Variants in DAB1 observed in about 807,000 individuals in gnomAD.
The protein encoded by DAB1 is disabled homolog 1.
In DAB1, 15 loss-of-function variants were observed where a neutral mutation model predicts 64.6. The observed-to-expected ratio is 0.23, with a 90% CI of 0.16 to 0.36. The LOEUF is 0.36. Ranked by LOEUF, DAB1 falls within the 10% of genes least tolerant of loss-of-function variation. The probability of loss-of-function intolerance (pLI) is 1.00; values close to 1 mark genes in which losing one functional copy is unlikely to be tolerated. For synonymous variants in DAB1, 235 were observed against 251.9 expected, an observed-to-expected ratio of 0.93 and a Z score of 0.64; for missense variants, 596 against 706.7, an observed-to-expected ratio of 0.84 and a Z score of 1.78.
At chr1:58,494,613 T>C (rs1207911944) in intron 3 of DAB1, among the ~76,000 whole-genome samples, 1 of 152,016 alleles carries the variant, frequency 6.6e-6, no homozygotes, top group African/African-American at 2.4e-5. Flanking sequence ...GTGAAGGATA[T>C]GAACAGACAC....
chr1:58,087,267 G>A (rs1650372500), intron 5 of DAB1, among the ~76,000 whole-genome samples: 2 of 152,134 alleles, frequency 1.3e-5, no homozygotes, highest in Admixed American at 6.5e-5. Context: ...CAATAACTAT[G>A]CTCTGAGGTT....
chr1:57,687,852 C>T (rs781332650), intron 6 of DAB1, among the ~76,000 whole-genome samples: 6 of 152,012 alleles, frequency 3.9e-5, no homozygotes, highest in South Asian at 2.1e-4. Flanking sequence ...GCTGGGATAA[C>T]GGGCTAGCCA....
chr1:58,179,477 T>G (rs1656663119), intron 4 of DAB1, among the ~76,000 whole-genome samples: 1 of 152,146 alleles, frequency 6.6e-6, no homozygotes, highest in South Asian at 2.1e-4. Flanking sequence ...GGCTTTTCTT[T>G]GTCAGAAAAT....
At chr1:57,007,864 G>A (rs1160030684) in intron 14 of DAB1, among the ~76,000 whole-genome samples, 1 of 152,240 alleles carries the variant, frequency 6.6e-6, no homozygotes, top group Non-Finnish European at 1.5e-5. Flanking sequence ...AGAAATTGCA[G>A]TCAGTAAATT....
chr1:58,545,508 A>C (rs1393492270), intron 1 of DAB1, among the ~76,000 whole-genome samples: 1 of 83,786 alleles, frequency 1.2e-5, no homozygotes, highest in Non-Finnish European at 3.0e-5. Context: ...AGAGCACATA[A>C]GAAAAAAAAA....
intron 2 of DAB1, among the ~76,000 whole-genome samples, chr1:57,267,501 C>T (rs1005070893): frequency 2.0e-5 from 3 of 152,066 alleles, no homozygotes; most frequent in Non-Finnish European, 4.4e-5. Flanking sequence ...TGTCTTATGC[C>T]GAAGAAGACT....
At chr1:57,072,662 G>A (rs1491000638) in intron 4 of DAB1, among the ~76,000 whole-genome samples, 1 of 152,178 alleles carries the variant, frequency 6.6e-6, no homozygotes, top group Non-Finnish European at 1.5e-5. Flanking sequence ...CTGCAACAGT[G>A]GCTTTATTCA....
At chr1:57,226,135 T>TCTTCC (rs1262958665) in intron 2 of DAB1, among the ~76,000 whole-genome samples, 2 of 152,190 alleles carry the variant, frequency 1.3e-5, no homozygotes, top group African/African-American at 4.8e-5. Flanking sequence ...TCTTCTCTTC[T>TCTTCC]CTTCCCAAGC....
intron 2 of DAB1, among the ~76,000 whole-genome samples, chr1:57,232,027 A>C (rs898272674): frequency 6.6e-6 from 1 of 152,188 alleles, no homozygotes; most frequent in Admixed American, 6.5e-5. Context: ...TGACCTCCCC[A>C]GATTTCAACT....
At chr1:58,298,486 G>T (rs1662042871) in intron 4 of DAB1, among the ~76,000 whole-genome samples, 1 of 152,188 alleles carries the variant, frequency 6.6e-6, no homozygotes, top group Non-Finnish European at 1.5e-5. Flanking sequence ...ACTCTTTATT[G>T]TAGCCCAAGG....
chr1:57,699,656 T>G (rs1646884779), intron 6 of DAB1, among the ~76,000 whole-genome samples: 1 of 152,194 alleles, frequency 6.6e-6, no homozygotes, highest in Non-Finnish European at 1.5e-5. Context: ...GGCTCACACC[T>G]GTAATCTCAG....
chr1:58,309,462 G>A (rs77872168), intron 4 of DAB1, among the ~76,000 whole-genome samples: 11 of 152,204 alleles, frequency 7.2e-5, no homozygotes, highest in East Asian at 1.9e-4. Flanking sequence ...GGTTCCAGAC[G>A]GGTAGGGAAT....
At chr1:57,208,539 C>A (rs140885424) in intron 2 of DAB1, among the ~76,000 whole-genome samples, 1 of 152,178 alleles carries the variant, frequency 6.6e-6, no homozygotes, top group Non-Finnish European at 1.5e-5. Flanking sequence ...TCTCCTTAGG[C>A]GTATATGTAG....
At chr1:57,667,140 C>T (rs558773811) in intron 6 of DAB1, among the ~76,000 whole-genome samples, 6 of 152,168 alleles carry the variant, frequency 3.9e-5, no homozygotes, top group Non-Finnish European at 8.8e-5. Flanking sequence ...TAATCACAAA[C>T]AAATTCTTCC....
chr1:57,278,648 T>C (rs1387839388), intron 2 of DAB1, among the ~76,000 whole-genome samples: 1 of 152,076 alleles, frequency 6.6e-6, no homozygotes, highest in Non-Finnish European at 1.5e-5. Context: ...AGGAGGACTT[T>C]GACAGGCCAA....
chr1:57,565,996 C>T (rs1645115827), intron 7 of DAB1, among the ~76,000 whole-genome samples: 1 of 152,212 alleles, frequency 6.6e-6, no homozygotes. Context: ...CCACATTGCA[C>T]TTATTCCAAA....
At chr1:58,005,132 T>C (rs1015086604) in intron 5 of DAB1, among the ~76,000 whole-genome samples, 2 of 152,184 alleles carry the variant, frequency 1.3e-5, no homozygotes, top group South Asian at 2.1e-4. Context: ...CCCATTTCAA[T>C]TGTATAATTC....
At chr1:58,373,634 C>T (rs572089129) in intron 3 of DAB1, among the ~76,000 whole-genome samples, 21 of 152,142 alleles carry the variant, frequency 1.4e-4, no homozygotes, top group South Asian at 2.1e-4. Flanking sequence ...AATAAACATA[C>T]GTCTTTATAG....
chr1:58,362,410 G>A (rs972850171), intron 3 of DAB1, among the ~76,000 whole-genome samples: 1 of 152,152 alleles, frequency 6.6e-6, no homozygotes, highest in Non-Finnish European at 1.5e-5. Context: ...GACCTACATT[G>A]AGAGCAAATA....
Sources: allele counts gnomAD v4.1 joint callset (sites outside exome capture counted in the v4.1 genomes callset), GRCh38; gene constraint gnomAD v4.1.1; transcripts MANE v1.5; gene names NCBI Gene and HGNC (gene_info 2026-07-23, HGNC 2026-07-21).